The following NAA35 variants were observed in gnomAD, a reference collection of about 807,000 sequenced individuals.
NAA35 encodes MAK10 homolog, amino-acid N-acetyltransferase subunit.
A neutral mutation model predicts 101.7 loss-of-function variants in NAA35; 18 were observed. The ratio of observed to expected loss-of-function variants is 0.18; its 90% CI spans 0.12 to 0.26. NAA35 has a LOEUF of 0.26. Among genes scored for constraint, NAA35 ranks in the 10% least tolerant of loss-of-function variants. NAA35 has a pLI of 1.00. For synonymous variants in NAA35, 267 were observed against 273.1 expected, an observed-to-expected ratio of 0.98 and a Z score of 0.22; for missense variants, 601 against 886.8, an observed-to-expected ratio of 0.68 and a Z score of 4.09.
chr9:86,013,013 AT>A, intron 15 of NAA35, 32 bp from the exon 16 acceptor site: 1 of 1,401,532 alleles, frequency 7.1e-7, no homozygotes. Flanking sequence ...GAAATTTCAT[AT>A]TTACAGTTGA....
intron 6 of NAA35, among the ~76,000 whole-genome samples, chr9:85,967,098 C>G (rs575620762): frequency 1.3e-5 from 2 of 152,258 alleles, no homozygotes; most frequent in South Asian, 4.1e-4. Flanking sequence ...AAGATTGTAC[C>G]ACTGCACTCC....
chr9:85,967,628 C>T (rs1051258964), intron 6 of NAA35, among the ~76,000 whole-genome samples: 1 of 151,912 alleles, frequency 6.6e-6, no homozygotes, highest in Non-Finnish European at 1.5e-5. Context: ...CAGTGAAACC[C>T]CGTCTCTACT....
At position 85,956,366 on chromosome 9, in the gene NAA35, A is replaced by G; in HGVS notation, c.131A>G (p.Lys44Arg). Residue 44 changes from lysine to arginine, a missense_variant, in exon 3 of 23, where the codon AAG becomes AGG. By Grantham distance (26) the Lys-to-Arg change is conservative. This residue lies in a region of NAA35 where 67 missense variants were observed against 62.4 expected (regional missense o/e 1.07). Coordinates refer to ENST00000361671, the MANE Select transcript of NAA35 (RefSeq NM_024635.4). ...TTTCTCTTTTTTTTTTTAGAATTAAAGTTGGGAGAACTACTTCATGATAAG... is the reference window on the plus strand; with the variant it reads ...TTTCTCTTTTTTTTTTTAGAATTAAGGTTGGGAGAACTACTTCATGATAAG... ...QDFEEACREL[K>R]LGELLHDKLF... The G allele has an allele frequency of 1.4e-6, 2 of 1,387,354 alleles. No individual in the cohort carries two copies. The highest frequency in any genetic ancestry group is 9.8e-7 in the Non-Finnish European group (1 of 1,019,542). The allele number at this position is 1,387,354 out of a possible 1,614,324, so 85.9% of individuals were successfully genotyped here.
chr9:86,012,953 TCCC>T, intron 15 of NAA35, 90 bp from the exon 16 acceptor site: 3 of 757,708 alleles, frequency 4.0e-6, no homozygotes, highest in Admixed American at 3.2e-5. Context: ...AGCATTTTTT[TCCC>T]TTAAACCAGA....
chr9:85,992,752 G>T (rs2118222573), intron 11 of NAA35, among the ~76,000 whole-genome samples: 1 of 152,332 alleles, frequency 6.6e-6, no homozygotes. Flanking sequence ...AAATGCAGTT[G>T]ACATGGTTAT....
At chr9:85,956,454 A>G (rs1829280981) in intron 3 of NAA35, 61 bp downstream of exon 3, 8 of 945,552 alleles carry the variant, frequency 8.5e-6, no homozygotes, top group Non-Finnish European at 1.1e-5. Context: ...TTTTTTCCTC[A>G]TGTGGAGTAA....
intron 4 of NAA35, 121 bp downstream of exon 4, chr9:85,958,707 C>A: frequency 1.8e-6 from 1 of 551,494 alleles, no homozygotes; most frequent in Non-Finnish European, 3.0e-6. Context: ...GCAGCTCAAG[C>A]ATATAAACAA....
chr9:86,010,715 C>T (rs1360963962), intron 15 of NAA35, among the ~76,000 whole-genome samples: 2 of 151,082 alleles, frequency 1.3e-5, no homozygotes, highest in Non-Finnish European at 1.5e-5. Flanking sequence ...GCTGGGACTA[C>T]AGGCGCCGCC....
At chr9:85,955,856 C>T (rs181605750) in intron 2 of NAA35, among the ~76,000 whole-genome samples, 137 of 152,208 alleles carry the variant, frequency 9.0e-4, no homozygotes, top group African/African-American at 3.2e-3. Flanking sequence ...GGTTGAGGAC[C>T]ACTGCTTTAT....
intron 14 of NAA35, among the ~76,000 whole-genome samples, chr9:86,008,365 A>G (rs1338062391): frequency 6.6e-6 from 1 of 152,164 alleles, no homozygotes; most frequent in Non-Finnish European, 1.5e-5. Context: ...CCGGCCTAAT[A>G]TGTTTCTTTT....
At chr9:86,002,776 T>C (rs1341630382) in intron 12 of NAA35, among the ~76,000 whole-genome samples, 1 of 152,202 alleles carries the variant, frequency 6.6e-6, no homozygotes, top group Non-Finnish European at 1.5e-5. Context: ...ATTATTTTTC[T>C]TGGATTGGGT....
intron 2 of NAA35, among the ~76,000 whole-genome samples, chr9:85,956,109 G>T (rs934730032): frequency 4.0e-5 from 6 of 151,688 alleles, no homozygotes; most frequent in African/African-American, 1.4e-4. Flanking sequence ...TATGGCCTGC[G>T]ATGGGTCACT....
intron 11 of NAA35, among the ~76,000 whole-genome samples, chr9:85,981,108 A>T (rs57996366): frequency 1.3e-5 from 2 of 152,128 alleles, no homozygotes; most frequent in African/African-American, 4.8e-5. Flanking sequence ...TTGTGTTTCT[A>T]CTAGTTGTGC....
chr9:86,009,685 G>A (rs1321983785), intron 14 of NAA35, among the ~76,000 whole-genome samples, 180 bp from the exon 15 acceptor site: 2 of 152,136 alleles, frequency 1.3e-5, no homozygotes, highest in East Asian at 1.9e-4. Flanking sequence ...CAGATTTATT[G>A]TGTGAATTAC....
At chr9:85,952,654 AT>A (rs145927233) in intron 2 of NAA35, among the ~76,000 whole-genome samples, 6,175 of 151,454 alleles carry the variant, frequency 0.041, 490 homozygotes, top group East Asian at 0.36. Flanking sequence ...TCTGCTTCCC[AT>A]TTTTTTCAAG....
chr9:85,996,432 T>C lies in NAA35; in HGVS notation c.911T>C (p.Val304Ala), dbSNP rs1280467212. The C allele has an allele frequency of 6.2e-7, 1 of 1,605,284 alleles. No homozygotes were observed. The highest frequency in any genetic ancestry group is 1.3e-5 in the African/African-American group (1 of 74,278). ...ATTATGATGGGTTTTGAACCCCTTG[T>C]GAACCAGAGGCTACTTCCACCTACC... is the stretch of plus-strand genomic sequence containing the variant. ...HPIMMGFEPL[V>A]NQRLLPPTFP... The change falls in exon 12 of 23, where the codon GTG becomes GCG. Residue 304 changes from valine (V) to alanine (A), a missense_variant. By Grantham distance (64) the Val-to-Ala change is moderately conservative (BLOSUM62 0). Around this residue, in one of 8 missense-constraint regions of NAA35, gnomAD observed 190 missense variants for 223.1 expected, o/e 0.85. Transcript: ENST00000361671.
intron 12 of NAA35, among the ~76,000 whole-genome samples, chr9:85,999,602 A>G (rs1831329859): frequency 6.6e-6 from 1 of 152,306 alleles, no homozygotes; most frequent in East Asian, 1.9e-4. Flanking sequence ...CAGGTACCTT[A>G]GGGGGACCCA....
chr9:86,013,088 C>G lies in NAA35; in HGVS notation c.1333C>G (p.Arg445Gly). Residue 445 changes from arginine (R) to glycine (G), a missense_variant, in exon 16 of 23, where the codon CGA (arginine) becomes GGA (glycine). By Grantham distance (125) the Arg-to-Gly change is moderately radical (BLOSUM62 -2). Transcript: ENST00000361671. ...LIQIHGHNRA[R>G]QRDKLGHILE... ...TCAGATCCATGGACATAACAGGGCT[C>G]GACAGAGAGATAAGCTTGGTCATAT... 1 of 1,595,068 alleles carries G rather than the reference C, an allele frequency of 6.3e-7. No individual in the cohort carries two copies. Among genetic ancestry groups the G allele is most frequent in the Non-Finnish European group, 8.6e-7 (1 of 1,166,880 alleles).
At chr9:86,011,392 C>G (rs1229509283) in intron 15 of NAA35, among the ~76,000 whole-genome samples, 1 of 150,906 alleles carries the variant, frequency 6.6e-6, no homozygotes, top group African/African-American at 2.4e-5. Flanking sequence ...AAGACAGTGT[C>G]TCCCTCTGTT....
Sources: gnomAD v4.1 joint callset for allele counts (sites outside exome capture counted in the v4.1 genomes callset) on GRCh38, gnomAD v4.1.1 for gene constraint, gnomAD v4.1.1 regional missense constraint, MANE v1.5 for transcripts, NCBI Gene and HGNC (gene_info 2026-07-23, HGNC 2026-07-21) for gene names.